The following CTBP2 variants were observed in gnomAD, a reference collection of about 807,000 sequenced individuals.
CTBP2 encodes the protein C-terminal binding protein 2.
A neutral mutation model predicts 80.3 loss-of-function variants in CTBP2; 30 were observed. The ratio of observed to expected loss-of-function variants is 0.37; its 90% CI spans 0.28 to 0.51. The LOEUF (loss-of-function observed/expected upper bound fraction) is 0.51. Among genes scored for constraint, CTBP2 ranks in the 20% least tolerant of loss-of-function variants. The pLI, the probability that CTBP2 is intolerant of heterozygous loss-of-function variation, is 0.93. For missense variants in CTBP2, 1,212 were observed against 1,375.3 expected (o/e 0.88, Z 1.88); for synonymous variants, 594 against 587.4 (o/e 1.01, Z -0.16).
Position 124,997,846 on chromosome 10 carries a change from T to C in CTBP2, c.2185+118A>G, listed in dbSNP as rs1483932618. 4 of 1,068,478 alleles carry C rather than the reference T, an allele frequency of 3.7e-6. No individual in the cohort carries two copies. The African/African-American group carries it at 6.3e-5, about 17-fold the overall frequency. 66.2% of individuals were successfully genotyped at this position (1,068,478 alleles called of 1,614,324 possible). ...ACCCCGTGCAACACGGGGAGGGTGC[T>C]GGCCCTGCCTGCCCTGGCTCCTCAA... On this transcript the variant is annotated intron_variant, in intron 4 of 8. Transcript: ENST00000309035.
chr10:125,092,356 C>T (rs774335062), intron 2 of CTBP2, among the ~76,000 whole-genome samples: 1 of 151,720 alleles, frequency 6.6e-6, no homozygotes, highest in Non-Finnish European at 1.5e-5. Context: ...ACACCCAGCT[C>T]ATTTTTGTAT....
At chr10:125,156,907 T>A (rs980307666) in intron 1 of CTBP2, among the ~76,000 whole-genome samples, 1 of 152,216 alleles carries the variant, frequency 6.6e-6, no homozygotes, top group Non-Finnish European at 1.5e-5. Context: ...ATTATACAGA[T>A]AGCAAGTTTT....
At chr10:125,034,446 G>A (rs1958626286) in intron 3 of CTBP2, among the ~76,000 whole-genome samples, 1 of 152,174 alleles carries the variant, frequency 6.6e-6, no homozygotes, top group African/African-American at 2.4e-5. Context: ...GGGTTTTAAG[G>A]CATGTCTAGT....
chr10:124,998,859 TG>T (rs1954031805), intron 3 of CTBP2: 1 of 155,160 alleles, frequency 6.4e-6, no homozygotes, highest in Non-Finnish European at 1.4e-5. Context: ...GAGGGTGGCT[TG>T]GGGTGAGCCC....
At chr10:125,056,553 G>A (rs149143265) in intron 2 of CTBP2, among the ~76,000 whole-genome samples, 86 of 152,294 alleles carry the variant, frequency 5.6e-4, no homozygotes, top group Non-Finnish European at 1.1e-3. Context: ...ACAACACAGC[G>A]GCCCAGGAGT....
intron 4 of CTBP2, 55 bp from the exon 7 acceptor site, chr10:124,994,738 T>TTCTGAGCCCGC: frequency 7.1e-6 from 11 of 1,557,342 alleles, no homozygotes; most frequent in Non-Finnish European, 7.1e-6. Flanking sequence ...GCCCCAGCGC[T>TTCTGAGCCCGC]GCCACCTCCA....
At chr10:125,006,214 C>T (rs1955220627) in intron 1 of CTBP2, among the ~76,000 whole-genome samples, 1 of 152,054 alleles carries the variant, frequency 6.6e-6, no homozygotes, top group African/African-American at 2.4e-5. Context: ...AGGCTCGAAT[C>T]CTGGCAGCAG....
At chr10:125,111,489 T>A (rs1040488465) in intron 1 of CTBP2, among the ~76,000 whole-genome samples, 2 of 152,304 alleles carry the variant, frequency 1.3e-5, no homozygotes, top group Middle Eastern at 6.8e-3. Context: ...AAAGTGCAAA[T>A]CATGAGCCCA....
intron 4 of CTBP2, chr10:124,997,391 CCTT>C (rs1447354971): frequency 1.3e-5 from 2 of 157,478 alleles, no homozygotes; most frequent in African/African-American, 4.8e-5. Context: ...CTTACCATCA[CCTT>C]CTCCGTGGCA....
chr10:125,026,932 G>A lies in CTBP2; in HGVS notation c.828C>T (p.Asp276=), dbSNP rs1236419458. Residue 276 remains aspartate (D), a synonymous_variant, in exon 1 of 9, where the codon GAC becomes GAT. Coordinates refer to ENST00000309035, the MANE Select transcript of CTBP2 (RefSeq NM_022802.3). ...CACCAGGACCCTGGAAGGTGGACAG[G>A]TCAGCTTCGTAAGTCTCGTAAGCCA... is the stretch of plus-strand genomic sequence containing the variant. 3 of 1,614,072 alleles carry A rather than the reference G, an allele frequency of 1.9e-6. No homozygotes were observed. Among genetic ancestry groups the A allele is most frequent in the Middle Eastern group, 1.6e-4 (1 of 6,062 alleles).
intron 2 of CTBP2, among the ~76,000 whole-genome samples, chr10:125,106,932 G>A (rs1007554422): frequency 6.6e-6 from 1 of 152,228 alleles, no homozygotes; most frequent in Non-Finnish European, 1.5e-5. Context: ...AGATGCTAAA[G>A]CAAAAAGAAG....
chr10:125,064,165 G>A (rs992905309), intron 2 of CTBP2, among the ~76,000 whole-genome samples: 5 of 152,206 alleles, frequency 3.3e-5, no homozygotes, highest in African/African-American at 1.2e-4. Context: ...ATACCTCAGG[G>A]AACACCATAG....
intron 3 of CTBP2, chr10:124,998,651 GT>G (rs1182436742): frequency 1.6e-5 from 3 of 182,166 alleles, no homozygotes; most frequent in Admixed American, 1.6e-4. Flanking sequence ...AAAAACATAC[GT>G]TTTAAACATA....
chr10:125,093,048 C>A (rs1849025233), intron 2 of CTBP2, among the ~76,000 whole-genome samples: 1 of 152,186 alleles, frequency 6.6e-6, no homozygotes, highest in Admixed American at 6.5e-5. Context: ...CGACTCCAGA[C>A]CCCAAGCTGA....
chr10:125,007,694 T>C (rs1295976366), intron 1 of CTBP2, among the ~76,000 whole-genome samples: 1 of 152,214 alleles, frequency 6.6e-6, no homozygotes, highest in African/African-American at 2.4e-5. Context: ...AGGAACTGGA[T>C]TGATCCTGCC....
rs773708416 is a variant in CTBP2 at position 124,984,812 on chromosome 10, G to A, written c.*4706C>T. The A allele has an allele frequency of 5.0e-6, 8 of 1,613,896 alleles. 1 individual carries two copies. The Admixed American group carries it at 1.2e-4, about 24-fold the overall frequency. On this transcript the variant is annotated 3_prime_UTR_variant, in exon 9 of 9. Coordinates refer to ENST00000309035, the MANE Select transcript of CTBP2 (RefSeq NM_022802.3). The stretch of plus-strand genomic sequence containing the variant: ...AACAGCAAGAAAAACTGCTCAGGGA[G>A]TGGCTGGACTGCTGTGTGACGGAGG...
At chr10:125,104,073 TCAC>T (rs1390391287) in intron 2 of CTBP2, among the ~76,000 whole-genome samples, 1 of 152,164 alleles carries the variant, frequency 6.6e-6, no homozygotes, top group East Asian at 1.9e-4. Context: ...TTCGATACCT[TCAC>T]CACCAATTCT....
chr10:125,060,985 TAGGGCAGCCCATAGCC>T (rs1964865868), intron 2 of CTBP2, among the ~76,000 whole-genome samples: 1 of 152,166 alleles, frequency 6.6e-6, no homozygotes, highest in Admixed American at 6.5e-5. Flanking sequence ...GGGTGCACGC[TAGGGCAGCCCATAGCC>T]AGCCCCTGCT....
At chr10:125,087,071 CTTTCT>C (rs1245193958) in intron 2 of CTBP2, among the ~76,000 whole-genome samples, 1 of 139,614 alleles carries the variant, frequency 7.2e-6, no homozygotes, top group Admixed American at 7.5e-5. Flanking sequence ...TGGGCAATTT[CTTTCT>C]TTTTTTTTTT....
Sources: allele counts gnomAD v4.1 joint callset (sites outside exome capture counted in the v4.1 genomes callset), GRCh38; gene constraint gnomAD v4.1.1; transcripts MANE v1.5; gene names NCBI Gene and HGNC (gene_info 2026-07-23, HGNC 2026-07-21).